MYOF: variants seen among roughly 807,000 people sequenced by gnomAD.
MYOF encodes the protein myoferlin, also known as fer-1-like 3, myoferlin.
A neutral mutation model predicts 284.2 loss-of-function variants in MYOF; 244 were observed. That is an observed-to-expected ratio of 0.86 (90% confidence interval 0.77 to 0.95). MYOF has a LOEUF of 0.95. MYOF is among the 40% of genes least tolerant of loss of function. The pLI is 0.00. For synonymous variants in MYOF, 904 were observed against 919.7 expected, an observed-to-expected ratio of 0.98 and a Z score of 0.31; for missense variants, 2,496 against 2,560.6, an observed-to-expected ratio of 0.97 and a Z score of 0.54.
intron 3 of MYOF, among the ~76,000 whole-genome samples, chr10:93,433,911 A>G (rs1431375796): frequency 6.6e-6 from 1 of 152,160 alleles, no homozygotes; most frequent in East Asian, 1.9e-4. Context: ...ACCCAACCAC[A>G]TAGGTCCAGA....
chr10:93,372,197 G>A (rs1453048818), intron 24 of MYOF, among the ~76,000 whole-genome samples: 1 of 152,158 alleles, frequency 6.6e-6, no homozygotes, highest in African/African-American at 2.4e-5. Context: ...AACTCCAGTT[G>A]GGGTTGGCCA....
Position 93,399,398 on chromosome 10 carries a change from TC to T in MYOF, c.1214del (p.Gly405GlufsTer8), listed in dbSNP as rs768440351. Reference sequence around the variant, plus strand: ...ATTTAGATCATGTACAAACCTTTTTTCCAGCAAAGGAAACTTCTACAAAAGG... The same window carrying T: ...ATTTAGATCATGTACAAACCTTTTTTCAGCAAAGGAAACTTCTACAAAAGG... ...VDPFVEVSFA[G>X]KKVCTNIIEK... On this transcript the variant is annotated frameshift_variant, in exon 13 of 54. Coordinates refer to ENST00000359263, the MANE Select transcript of MYOF (RefSeq NM_013451.4). LOFTEE classifies it high-confidence loss of function. 7.7e-4 allele frequency: 1,239 copies of T among 1,609,916 alleles called. No individual in the cohort carries two copies. Among genetic ancestry groups the T allele is most frequent in the Non-Finnish European group, 1.0e-3 (1,195 of 1,176,716 alleles).
rs761235019 is a variant in MYOF at position 93,310,610 on chromosome 10, C to T, written c.5923G>A (p.Glu1975Lys). The T allele has an allele frequency of 4.8e-5, 77 of 1,614,050 alleles. No homozygotes were observed. Among genetic ancestry groups the T allele is most frequent in the Non-Finnish European group, 5.9e-5 (70 of 1,180,040 alleles). Residue 1975 changes from glutamate to lysine, a missense_variant, in exon 52 of 54, where the codon GAG becomes AAG. This residue lies in a region of MYOF where 2,436 missense variants were observed against 2,480.7 expected (regional missense o/e 0.98). Transcript: ENST00000359263. ...GCTGGCCTCTCGTCGGCCTCCTTCT[C>T]GTTGAGGATTTCCAATGTCATCTCC... ...KVEMTLEILN[E>K]KEADERPAGK...
At chr10:93,328,071 C>G (rs970787094) in intron 45 of MYOF, among the ~76,000 whole-genome samples, 1 of 152,078 alleles carries the variant, frequency 6.6e-6, no homozygotes, top group Non-Finnish European at 1.5e-5. Context: ...TGCCCGGCCT[C>G]AAAACATCGT....
chr10:93,392,299 A>AT (rs141244768), intron 17 of MYOF, among the ~76,000 whole-genome samples: 2,723 of 152,286 alleles, frequency 0.018, 84 homozygotes, highest in African/African-American at 0.061. Flanking sequence ...GGCAGGGCGA[A>AT]TCATGCTTAT....
intron 32 of MYOF, 104 bp from the exon 33 acceptor site, chr10:93,351,950 G>T: frequency 9.0e-7 from 1 of 1,110,962 alleles, no homozygotes; most frequent in Non-Finnish European, 1.2e-6. Flanking sequence ...AATGACAGTG[G>T]GCTCTGACCA....
chr10:93,428,283 G>A (rs112727419), intron 4 of MYOF, among the ~76,000 whole-genome samples: 19,684 of 149,410 alleles, frequency 0.13, 1,345 homozygotes, highest in Middle Eastern at 0.2. Flanking sequence ...TGCAGCCTCC[G>A]CCTCACACCC....
intron 9 of MYOF, among the ~76,000 whole-genome samples, chr10:93,403,188 A>G (rs1229274195): frequency 6.6e-6 from 1 of 152,150 alleles, no homozygotes; most frequent in Non-Finnish European, 1.5e-5. Context: ...TTTTACCACT[A>G]AAGTCCCAGG....
At chr10:93,463,088 G>A (rs532886604) in intron 1 of MYOF, among the ~76,000 whole-genome samples, 5 of 152,200 alleles carry the variant, frequency 3.3e-5, no homozygotes, top group Non-Finnish European at 5.9e-5. Context: ...GATTAGCTAC[G>A]CCTGCCTCTC....
intron 3 of MYOF, among the ~76,000 whole-genome samples, chr10:93,434,857 G>C (rs1208196982): frequency 6.6e-6 from 1 of 151,852 alleles, no homozygotes; most frequent in Non-Finnish European, 1.5e-5. Flanking sequence ...ACATACTGAA[G>C]ACACCCATTA....
At chr10:93,421,092 C>T (rs1312674547) in intron 5 of MYOF, among the ~76,000 whole-genome samples, 1 of 152,116 alleles carries the variant, frequency 6.6e-6, no homozygotes, top group Non-Finnish European at 1.5e-5. Context: ...GTGGCACATG[C>T]CTGTAATACC....
intron 38 of MYOF, chr10:93,340,374 T>C (rs1439728682): frequency 7.3e-6 from 4 of 548,812 alleles, no homozygotes; most frequent in Non-Finnish European, 9.7e-6. Flanking sequence ...ACTGGTTTCT[T>C]TTCTGAAAAT....
intron 43 of MYOF, among the ~76,000 whole-genome samples, chr10:93,330,909 GC>G (rs1320799266): frequency 1.3e-5 from 2 of 152,148 alleles, no homozygotes; most frequent in East Asian, 3.9e-4. Context: ...ACCCACATGT[GC>G]CCCCAAACAT....
intron 3 of MYOF, among the ~76,000 whole-genome samples, chr10:93,447,538 T>A (rs555607253): frequency 6.7e-6 from 1 of 149,312 alleles, no homozygotes; most frequent in African/African-American, 2.5e-5. Flanking sequence ...TTTTTGCCAG[T>A]TATGCTTCTG....
At chr10:93,331,115 A>G (rs1297542558) in intron 43 of MYOF, among the ~76,000 whole-genome samples, 1 of 152,144 alleles carries the variant, frequency 6.6e-6, no homozygotes, top group Non-Finnish European at 1.5e-5. Flanking sequence ...TTCTTGGAAC[A>G]TCAATTAATA....
chr10:93,380,676 A>AG (rs368158645), intron 20 of MYOF, among the ~76,000 whole-genome samples: 297 of 152,316 alleles, frequency 1.9e-3, no homozygotes, highest in African/African-American at 6.2e-3. Flanking sequence ...CCTTAAAATC[A>AG]GGGACTGTTT....
intron 41 of MYOF, 39 bp downstream of exon 41, chr10:93,335,882 A>C (rs756154380): frequency 6.2e-7 from 1 of 1,603,742 alleles, no homozygotes; most frequent in East Asian, 2.2e-5. Context: ...TAGAAAATGA[A>C]GGTGGATTTT....
chr10:93,470,026 C>T (rs1230580198), intron 1 of MYOF, among the ~76,000 whole-genome samples: 2 of 151,870 alleles, frequency 1.3e-5, no homozygotes. Flanking sequence ...GTCAGGAGTT[C>T]GAGACCAGCC....
In MYOF at chr10:93,401,527, A is replaced by G; in HGVS notation, c.1008T>C (p.Arg336=). 1 of 1,614,122 alleles carries G rather than the reference A, an allele frequency of 6.2e-7. No homozygotes were observed. Among genetic ancestry groups the G allele is most frequent in the Non-Finnish European group, 8.5e-7 (1 of 1,180,010 alleles). Residue 336 remains arginine (R), a synonymous_variant, in exon 12 of 54, where the codon CGT becomes CGC. Coordinates refer to ENST00000359263, the MANE Select transcript of MYOF (RefSeq NM_013451.4). ...GDEPPPERRD[R]DNDSDDVESN... ...TCTCCACATCATCACTGTCATTATC[A>G]CGATCTCGTCTCTCAGGCTATTAGG...
Sources: gnomAD v4.1 joint callset for allele counts (sites outside exome capture counted in the v4.1 genomes callset) on GRCh38, gnomAD v4.1.1 for gene constraint, gnomAD v4.1.1 regional missense constraint, MANE v1.5 for transcripts, NCBI Gene and HGNC (gene_info 2026-07-23, HGNC 2026-07-21) for gene names.